The following SAMD12 variants were observed in gnomAD, a reference collection of about 807,000 sequenced individuals.
The protein encoded by SAMD12 is sterile alpha motif domain-containing protein 12.
A neutral mutation model predicts 15.0 loss-of-function variants in SAMD12; 9 were observed. The observed-to-expected ratio is 0.60, with a 90% CI of 0.36 to 1.05. The LOEUF (loss-of-function observed/expected upper bound fraction) is 1.05, where lower values mean the gene tolerates loss of function less well. Among genes scored for constraint, SAMD12 ranks in the 50% least tolerant of loss-of-function variants. The probability of loss-of-function intolerance (pLI) is 0.01; values close to 1 mark genes in which losing one functional copy is unlikely to be tolerated. For synonymous variants in SAMD12, 86 were observed against 90.1 expected, an observed-to-expected ratio of 0.96 and a Z score of 0.25; for missense variants, 230 against 234.2, an observed-to-expected ratio of 0.98 and a Z score of 0.12.
Position 118,265,406 on chromosome 8 carries a change from A to C in SAMD12, c.434-67674T>G, listed in dbSNP as rs1218987898. ...TGATTTTTTTACAAGTTGAGGATGG[A>C]AATTCAGGAGTTTAAACAGTAGAGA... On this transcript the variant is annotated intron_variant, in intron 4 of 4. Transcript: ENST00000409003. Among the ~76,000 whole-genome samples, 11 of 152,256 alleles carry C rather than the reference A, an allele frequency of 7.2e-5. No homozygotes were observed. The South Asian group carries it at 2.3e-3, about 32-fold the overall frequency.
At position 118,262,557 on chromosome 8, in the gene SAMD12, C is replaced by T. The variant is rs541322985; in HGVS notation, c.434-64825G>A. ...TGCCCATCTGAAGTCTAAATAAAGGCGAGCAATTCTTCAGTTAACAACAAG... is the reference window on the plus strand; with the variant it reads ...TGCCCATCTGAAGTCTAAATAAAGGTGAGCAATTCTTCAGTTAACAACAAG... On this transcript the variant is annotated intron_variant, in intron 4 of 4. Coordinates refer to the SAMD12 transcript ENST00000409003. 1.1e-4 allele frequency among the ~76,000 whole-genome samples: 16 copies of T among 152,038 alleles called. No homozygotes were observed. In the South Asian group the frequency reaches 1.7e-3, roughly 16 times the overall value.
At chr8:118,592,408 G>C (rs1338999235) in intron 1 of SAMD12, among the ~76,000 whole-genome samples, 1 of 152,038 alleles carries the variant, frequency 6.6e-6, no homozygotes, top group Non-Finnish European at 1.5e-5. Flanking sequence ...TTTAATTATT[G>C]TTTAGTAGGT....
chr8:118,184,538 C>G (rs900580291), downstream of SAMD12, among the ~76,000 whole-genome samples: 1 of 152,162 alleles, frequency 6.6e-6, no homozygotes, highest in Non-Finnish European at 1.5e-5. Context: ...CTCTATCACC[C>G]AGGCTGGAGT....
chr8:118,486,217 A>C (rs1253544391), intron 2 of SAMD12, among the ~76,000 whole-genome samples: 3 of 152,072 alleles, frequency 2.0e-5, no homozygotes, highest in Admixed American at 6.6e-5. Context: ...GATAGAGACC[A>C]TCCTGGCTAA....
At chr8:118,299,921 T>C (rs895043214) in intron 4 of SAMD12, among the ~76,000 whole-genome samples, 12 of 152,158 alleles carry the variant, frequency 7.9e-5, no homozygotes, top group Admixed American at 7.2e-4. Flanking sequence ...AAGCTGGGCA[T>C]GGTTCATCTC....
intron 2 of SAMD12, among the ~76,000 whole-genome samples, chr8:118,538,023 C>T (rs1243246991): frequency 2.0e-5 from 3 of 152,152 alleles, no homozygotes; most frequent in Non-Finnish European, 2.9e-5. Context: ...CTAGGGAGCA[C>T]CCCAAACAAG....
chr8:118,148,423 C>T, the SAMD12 span, among the ~76,000 whole-genome samples: 1 of 152,056 alleles, frequency 6.6e-6, no homozygotes, highest in Admixed American at 6.6e-5. Flanking sequence ...AAAATGTTTT[C>T]AAGTTGTCAT....
intron 2 of SAMD12, among the ~76,000 whole-genome samples, chr8:118,444,041 T>A (rs1281028014): frequency 6.6e-6 from 1 of 152,132 alleles, no homozygotes; most frequent in African/African-American, 2.4e-5. Context: ...ACCTACACTC[T>A]CTTCACAGCC....
At chr8:118,465,168 G>A (rs997485647) in intron 2 of SAMD12, among the ~76,000 whole-genome samples, 5 of 152,152 alleles carry the variant, frequency 3.3e-5, no homozygotes, top group South Asian at 2.1e-4. Context: ...GAATCTCTGG[G>A]TAGGGTGGGG....
At chr8:118,487,058 C>T (rs1483451511) in intron 2 of SAMD12, among the ~76,000 whole-genome samples, 1 of 152,076 alleles carries the variant, frequency 6.6e-6, no homozygotes, top group South Asian at 2.1e-4. Context: ...CATGGTCTTA[C>T]CAGGGTCCAA....
rs190898056 is a variant in SAMD12 at position 118,469,707 on chromosome 8, C to T, written c.193-29746G>A. On this transcript the variant is annotated intron_variant, in intron 2 of 3. Transcript: ENST00000314727. Reference sequence around the variant, plus strand: ...CCTCCCGAGTAGCTGGGATTATAGGCGCGTGCCACCACGCCTGGCTATTTT... The same window carrying T: ...CCTCCCGAGTAGCTGGGATTATAGGTGCGTGCCACCACGCCTGGCTATTTT... Among the ~76,000 whole-genome samples the T allele has an allele frequency of 1.3e-3, 189 of 146,728 alleles. 1 individual carries two copies. The highest frequency in any genetic ancestry group is 6.5e-4 in the South Asian group (3 of 4,582).
chr8:118,248,380 G>A (rs1364806350), intron 4 of SAMD12, among the ~76,000 whole-genome samples: 1 of 152,076 alleles, frequency 6.6e-6, no homozygotes, highest in Admixed American at 6.6e-5. Context: ...ACAAACGTTG[G>A]CTCTGACTGT....
the SAMD12 span, among the ~76,000 whole-genome samples, chr8:118,147,835 A>C: frequency 6.6e-6 from 1 of 152,168 alleles, no homozygotes; most frequent in South Asian, 2.1e-4. Context: ...CTGTAACCTC[A>C]AACTCCTAGA....
At chr8:118,460,335 A>G (rs551765993) in intron 2 of SAMD12, among the ~76,000 whole-genome samples, 1 of 152,236 alleles carries the variant, frequency 6.6e-6, no homozygotes, top group Non-Finnish European at 1.5e-5. Context: ...AACATTTATG[A>G]AGCACTTACT....
At chr8:118,314,331 A>C (rs945173432) in intron 4 of SAMD12, among the ~76,000 whole-genome samples, 2 of 152,176 alleles carry the variant, frequency 1.3e-5, no homozygotes, top group African/African-American at 4.8e-5. Context: ...AGGAAGTTTC[A>C]GATAAGTGTA....
intron 3 of SAMD12, among the ~76,000 whole-genome samples, chr8:118,394,393 G>A (rs1820442945): frequency 6.6e-6 from 1 of 152,182 alleles, no homozygotes; most frequent in Non-Finnish European, 1.5e-5. Context: ...AAGGTGGCAA[G>A]TGCTAGAGTA....
chr8:118,422,174 T>C (rs966037299), intron 3 of SAMD12, among the ~76,000 whole-genome samples: 58 of 152,220 alleles, frequency 3.8e-4, no homozygotes, highest in African/African-American at 1.4e-3. Flanking sequence ...CCCAATTTAA[T>C]CCAATCAACA....
chr8:118,267,701 T>TTGTGTGTGTGTGTGTGTG (rs10671962), intron 4 of SAMD12, among the ~76,000 whole-genome samples: 3 of 147,504 alleles, frequency 2.0e-5, no homozygotes, highest in Admixed American at 6.8e-5. Context: ...TTCCCATCTG[T>TTGTGTGTGTGTGTGTGTG]TGTGTGTGTG....
chr8:118,144,304 T>C, the SAMD12 span, among the ~76,000 whole-genome samples: 3 of 152,210 alleles, frequency 2.0e-5, no homozygotes, highest in Admixed American at 1.3e-4. Context: ...GAATATTCTT[T>C]GGGGGCATTA....
Sources: allele counts gnomAD v4.1 joint callset (sites outside exome capture counted in the v4.1 genomes callset), GRCh38; gene constraint gnomAD v4.1.1; transcripts MANE v1.5; gene names NCBI Gene and HGNC (gene_info 2026-07-23, HGNC 2026-07-21).